PLCB1: variants seen among roughly 807,000 people sequenced by gnomAD.
PLCB1 encodes phospholipase C beta 1.
In PLCB1, 46 loss-of-function variants were observed where a neutral mutation model predicts 161.8. That is an observed-to-expected ratio of 0.28 (90% CI 0.22 to 0.36). PLCB1 has a LOEUF of 0.36. Ranked by LOEUF, PLCB1 falls within the 10% of genes least tolerant of loss-of-function variation. The pLI is 1.00. For missense variants in PLCB1, 1,016 were observed against 1,472.5 expected, an observed-to-expected ratio of 0.69 and a Z score of 5.07; for synonymous variants, 517 against 503.7, an observed-to-expected ratio of 1.03 and a Z score of -0.35.
chr20:8,443,765 A>C (rs368323159), intron 3 of PLCB1, among the ~76,000 whole-genome samples: 1 of 152,244 alleles, frequency 6.6e-6, no homozygotes, highest in East Asian at 1.9e-4. Flanking sequence ...ATATCTCCCT[A>C]ACTACAGCTC....
At chr20:8,622,895 T>C (rs941794574) in intron 3 of PLCB1, among the ~76,000 whole-genome samples, 3 of 152,070 alleles carry the variant, frequency 2.0e-5, no homozygotes, top group Admixed American at 6.6e-5. Flanking sequence ...ACCAACCTAA[T>C]AGCTCAGGCA....
intron 3 of PLCB1, among the ~76,000 whole-genome samples, chr20:8,385,201 A>G (rs1024747962): frequency 6.6e-6 from 1 of 152,134 alleles, no homozygotes; most frequent in Non-Finnish European, 1.5e-5. Context: ...CAGGAAGATC[A>G]GGGTTCTTTC....
chr20:8,741,993 A>G (rs1390977350), intron 23 of PLCB1, among the ~76,000 whole-genome samples: 1 of 152,216 alleles, frequency 6.6e-6, no homozygotes, highest in East Asian at 1.9e-4. Context: ...AAAATATTTA[A>G]CACAATACCT....
chr20:8,822,314 T>C (rs968297576), intron 31 of PLCB1, among the ~76,000 whole-genome samples: 4 of 152,222 alleles, frequency 2.6e-5, no homozygotes, highest in Admixed American at 2.0e-4. Context: ...CCAAAAGATA[T>C]TTATTAAGCA....
intron 10 of PLCB1, among the ~76,000 whole-genome samples, chr20:8,695,095 G>T (rs1340131615): frequency 6.6e-6 from 1 of 152,132 alleles, no homozygotes; most frequent in African/African-American, 2.4e-5. Flanking sequence ...AGATCATTTT[G>T]TCAGCATTTC....
intron 25 of PLCB1, among the ~76,000 whole-genome samples, chr20:8,763,205 G>A (rs1161235429): frequency 6.6e-6 from 1 of 152,086 alleles, no homozygotes; most frequent in Non-Finnish European, 1.5e-5. Flanking sequence ...ATACAGATTA[G>A]TTTTGTTTTG....
At chr20:8,410,409 C>T (rs923234766) in intron 3 of PLCB1, among the ~76,000 whole-genome samples, 5 of 152,164 alleles carry the variant, frequency 3.3e-5, no homozygotes, top group African/African-American at 1.2e-4. Flanking sequence ...TTCTCCACAT[C>T]CTCACCAAAA....
chr20:8,750,126 A>G lies in PLCB1; in HGVS notation c.2524-6920A>G, dbSNP rs959001851. On this transcript the variant is annotated intron_variant, in intron 23 of 31. Transcript: ENST00000338037. Reference sequence around the variant, plus strand: ...ATTGCAGCTGCTACTAATGTTCAACAAAATGATACCATGTGAATGCTGTTG... The same window carrying G: ...ATTGCAGCTGCTACTAATGTTCAACGAAATGATACCATGTGAATGCTGTTG... Among the ~76,000 whole-genome samples, 2 of 152,348 alleles carry G rather than the reference A, an allele frequency of 1.3e-5. 1 individual carries two copies. Among genetic ancestry groups the G allele is most frequent in the Middle Eastern group, 6.8e-3 (2 of 294 alleles).
At chr20:8,859,437 G>A (rs1220885425) in intron 31 of PLCB1, among the ~76,000 whole-genome samples, 2 of 152,128 alleles carry the variant, frequency 1.3e-5, no homozygotes, top group Non-Finnish European at 2.9e-5. Context: ...ATCTGGAGTG[G>A]GCCTGAAGTG....
intron 10 of PLCB1, among the ~76,000 whole-genome samples, chr20:8,695,627 A>AG (rs1275799832): frequency 4.6e-5 from 7 of 152,132 alleles, no homozygotes; most frequent in African/African-American, 1.7e-4. Flanking sequence ...ACTTGAGCCT[A>AG]GGGGGTTGAA....
intron 2 of PLCB1, among the ~76,000 whole-genome samples, chr20:8,228,229 A>G (rs185322554): frequency 7.5e-4 from 114 of 152,190 alleles, no homozygotes; most frequent in Admixed American, 1.0e-3. Flanking sequence ...ATCGGCCCAT[A>G]CAATTTTTAC....
At chr20:8,782,647 C>G (rs1983297889) in intron 27 of PLCB1, among the ~76,000 whole-genome samples, 1 of 152,190 alleles carries the variant, frequency 6.6e-6, no homozygotes, top group South Asian at 2.1e-4. Flanking sequence ...CTGCCTCTAC[C>G]TTGTTTTCAA....
intron 2 of PLCB1, among the ~76,000 whole-genome samples, chr20:8,240,747 CATAACA>C (rs1204424487): frequency 6.6e-6 from 1 of 151,940 alleles, no homozygotes. Flanking sequence ...TGCCAGATAG[CATAACA>C]ATTTAGGAAC....
chr20:8,795,890 A>AAAAAGG (rs1555791245), intron 31 of PLCB1, among the ~76,000 whole-genome samples: 1 of 139,780 alleles, frequency 7.2e-6, no homozygotes, highest in African/African-American at 2.7e-5. Context: ...AAAAAAAAAA[A>AAAAAGG]AAAAGAAAAG....
intron 3 of PLCB1, among the ~76,000 whole-genome samples, chr20:8,404,037 A>G (rs188034430): frequency 3.6e-4 from 54 of 150,412 alleles, no homozygotes; most frequent in African/African-American, 1.3e-3. Flanking sequence ...ATAAGTATTT[A>G]TGTATAGACA....
At chr20:8,744,318 CATTA>C (rs1981036406) in intron 23 of PLCB1, among the ~76,000 whole-genome samples, 1 of 152,092 alleles carries the variant, frequency 6.6e-6, no homozygotes, top group South Asian at 2.1e-4. Context: ...AACTTTAACC[CATTA>C]GTTAGCCATT....
chr20:8,657,998 C>T (rs1308938365), intron 8 of PLCB1, among the ~76,000 whole-genome samples: 1 of 152,062 alleles, frequency 6.6e-6, no homozygotes, highest in African/African-American at 2.4e-5. Flanking sequence ...TGAACATCTG[C>T]AACATTTGTA....
intron 31 of PLCB1, among the ~76,000 whole-genome samples, chr20:8,828,124 T>G (rs1403508422): frequency 6.6e-6 from 1 of 152,190 alleles, no homozygotes; most frequent in Non-Finnish European, 1.5e-5. Flanking sequence ...TGCCCAGATT[T>G]GATGGCTGTG....
chr20:8,132,858 G>C lies in PLCB1; in HGVS notation c.99+108G>C, dbSNP rs908715033. 4.0e-6 allele frequency: 3 copies of C among 748,882 alleles called. No individual in the cohort carries two copies. Among genetic ancestry groups the C allele is most frequent in the Admixed American group, 4.4e-5 (2 of 44,966 alleles). The allele number at this position is 748,882 out of a possible 1,614,324, so 46.4% of individuals were successfully genotyped here. On this transcript the variant is annotated intron_variant, in intron 1 of 31. Transcript: ENST00000338037. The surrounding 1 kb of genome is among the most constrained non-coding windows in gnomAD (Gnocchi z 5.2). ...GTTATGCAATGGGCGCACTGGGAGC[G>C]GGCAGGGGCAGCCTCGGGCGCACAG... is the stretch of plus-strand genomic sequence containing the variant.
Sources: allele counts gnomAD v4.1 joint callset (sites outside exome capture counted in the v4.1 genomes callset), GRCh38; gene constraint gnomAD v4.1.1; non-coding constraint Gnocchi (gnomAD v3.1); transcripts MANE v1.5; gene names NCBI Gene and HGNC (gene_info 2026-07-23, HGNC 2026-07-21).